Variants in LINGO2 observed in about 807,000 individuals in gnomAD.
LINGO2 encodes the protein leucine-rich repeat and immunoglobulin-like domain-containing nogo receptor-interacting protein 2.
In LINGO2, 14 loss-of-function variants were observed where a neutral mutation model predicts 30.6. The observed-to-expected ratio is 0.46, with a 90% CI of 0.30 to 0.72. The LOEUF (loss-of-function observed/expected upper bound fraction) is 0.72, where lower values mean the gene tolerates loss of function less well. Ranked by LOEUF, LINGO2 falls within the 30% of genes least tolerant of loss-of-function variation. The probability of loss-of-function intolerance (pLI) is 0.07; values close to 1 mark genes in which losing one functional copy is unlikely to be tolerated. For missense variants in LINGO2, 729 were observed against 751.7 expected, an observed-to-expected ratio of 0.97 and a Z score of 0.35; for synonymous variants, 317 against 288.5, an observed-to-expected ratio of 1.10 and a Z score of -1.00.
intron 2 of LINGO2, among the ~76,000 whole-genome samples, chr9:28,416,054 C>T (rs569456243): frequency 1.3e-5 from 2 of 152,158 alleles, no homozygotes; most frequent in Admixed American, 1.3e-4. Flanking sequence ...TATAAAAAAA[C>T]TGTAAAGATT....
intron 2 of LINGO2, among the ~76,000 whole-genome samples, chr9:28,432,417 C>T (rs1047415572): frequency 1.3e-4 from 19 of 151,424 alleles, no homozygotes; most frequent in Non-Finnish European, 2.1e-4. Flanking sequence ...TACTAATATA[C>T]ATAAAATAGA....
At chr9:28,673,785 G>A (rs1283238910), upstream of LINGO2, among the ~76,000 whole-genome samples, 1 of 151,878 alleles carries the variant, frequency 6.6e-6, no homozygotes, top group African/African-American at 2.4e-5. Flanking sequence ...ACTGAGCTGG[G>A]ACAAGACTGA....
the LINGO2 span, among the ~76,000 whole-genome samples, chr9:28,772,042 G>A: frequency 6.6e-6 from 1 of 152,024 alleles, no homozygotes; most frequent in Admixed American, 6.6e-5. Flanking sequence ...CTGAAGACAC[G>A]TTCAACAATA....
At chr9:28,524,825 A>T (rs574290971) in intron 1 of LINGO2, among the ~76,000 whole-genome samples, 1 of 152,322 alleles carries the variant, frequency 6.6e-6, no homozygotes, top group East Asian at 1.9e-4. Context: ...CTAAAAAGAT[A>T]AACAATGGAA....
At chr9:28,387,478 A>G (rs957560750) in intron 2 of LINGO2, among the ~76,000 whole-genome samples, 1 of 152,036 alleles carries the variant, frequency 6.6e-6, no homozygotes, top group African/African-American at 2.4e-5. Context: ...AGCAGCAGCA[A>G]CCTCCTGGGG....
chr9:28,577,511 C>G (rs375300076), intron 1 of LINGO2, among the ~76,000 whole-genome samples: 1 of 152,106 alleles, frequency 6.6e-6, no homozygotes, highest in Non-Finnish European at 1.5e-5. Flanking sequence ...TTTAAAAAAC[C>G]CTAGCATTCA....
chr9:28,222,716 T>C (rs1821009759), intron 4 of LINGO2, among the ~76,000 whole-genome samples: 1 of 152,150 alleles, frequency 6.6e-6, no homozygotes, highest in South Asian at 2.1e-4. Context: ...AAATGAGAGA[T>C]GAATAAGATC....
At chr9:28,935,917 G>A in the LINGO2 span, among the ~76,000 whole-genome samples, 42 of 152,080 alleles carry the variant, frequency 2.8e-4, no homozygotes, top group Non-Finnish European at 5.4e-4. Flanking sequence ...TTTTGTTAGA[G>A]AAACAAAAGA....
chr9:28,298,486 A>T (rs1468541228), intron 3 of LINGO2, among the ~76,000 whole-genome samples: 1 of 148,954 alleles, frequency 6.7e-6, no homozygotes, highest in Non-Finnish European at 1.5e-5. Flanking sequence ...ACATGGTGAA[A>T]TCCTGTCTCT....
the LINGO2 span, among the ~76,000 whole-genome samples, chr9:29,176,229 C>T: frequency 5.3e-5 from 8 of 152,198 alleles, no homozygotes; most frequent in Non-Finnish European, 1.0e-4. Flanking sequence ...CCAAAAGTCA[C>T]CTTGCCTCCA....
intron 4 of LINGO2, chr9:28,080,746 T>C (rs142307694): frequency 6.6e-6 from 1 of 152,356 alleles, no homozygotes; most frequent in Non-Finnish European, 1.5e-5. Flanking sequence ...TAAATATTTG[T>C]TGAATGATGG....
intron 4 of LINGO2, among the ~76,000 whole-genome samples, chr9:28,012,860 C>T (rs778426039): frequency 1.3e-5 from 2 of 152,140 alleles, no homozygotes; most frequent in Non-Finnish European, 2.9e-5. Flanking sequence ...AAAAGAAACA[C>T]CACCTTCTCT....
chr9:28,468,715 T>G (rs893380826), intron 2 of LINGO2, among the ~76,000 whole-genome samples: 3 of 152,146 alleles, frequency 2.0e-5, no homozygotes, highest in African/African-American at 7.2e-5. Flanking sequence ...ACAGTATTTA[T>G]AAGAGGGAAA....
At chr9:29,087,498 G>T in the LINGO2 span, among the ~76,000 whole-genome samples, 26 of 152,234 alleles carry the variant, frequency 1.7e-4, 1 homozygote, top group East Asian at 2.5e-3. Flanking sequence ...TTCACAATTA[G>T]CAAGTAATGA....
chr9:28,254,559 T>C (rs970508756), intron 4 of LINGO2, among the ~76,000 whole-genome samples: 4 of 152,128 alleles, frequency 2.6e-5, no homozygotes, highest in Admixed American at 2.0e-4. Flanking sequence ...TTATAGTTCT[T>C]AGCAACTGAT....
chr9:29,042,558 G>A, the LINGO2 span, among the ~76,000 whole-genome samples: 1 of 151,836 alleles, frequency 6.6e-6, no homozygotes, highest in Non-Finnish European at 1.5e-5. Context: ...CATTAAAAAT[G>A]TATTTTCCTT....
At chr9:29,087,811 T>A in the LINGO2 span, among the ~76,000 whole-genome samples, 1 of 152,138 alleles carries the variant, frequency 6.6e-6, no homozygotes, top group African/African-American at 2.4e-5. Context: ...TCTGGGTTTA[T>A]ATCCCAGCTC....
chr9:28,536,917 T>C (rs1821459842), intron 1 of LINGO2, among the ~76,000 whole-genome samples: 1 of 152,042 alleles, frequency 6.6e-6, no homozygotes, highest in African/African-American at 2.4e-5. Context: ...AAGCACCACA[T>C]TATACGAGCT....
chr9:28,441,049 C>T (rs1189642814), intron 2 of LINGO2, among the ~76,000 whole-genome samples: 1 of 152,042 alleles, frequency 6.6e-6, no homozygotes, highest in Non-Finnish European at 1.5e-5. Context: ...GAAATCCACC[C>T]TCATGAATTG....
Sources: gnomAD v4.1 joint callset for allele counts (sites outside exome capture counted in the v4.1 genomes callset) on GRCh38, gnomAD v4.1.1 for gene constraint, MANE v1.5 for transcripts, NCBI Gene and HGNC (gene_info 2026-07-23, HGNC 2026-07-21) for gene names.